The following AFDN variants were observed in gnomAD, a reference collection of about 807,000 sequenced individuals.
The protein encoded by AFDN is afadin, adherens junction formation factor.
In AFDN, 68 loss-of-function variants were observed where a neutral mutation model predicts 216.6. The observed-to-expected ratio is 0.31, with a 90% CI of 0.26 to 0.38. The LOEUF is 0.38. Among genes scored for constraint, AFDN ranks in the 10% least tolerant of loss-of-function variants. The pLI is 1.00. For synonymous variants in AFDN, 868 were observed against 853.7 expected (o/e 1.02, Z -0.29); for missense variants, 2,136 against 2,342.0 (o/e 0.91, Z 1.82).
In AFDN at chr6:167,893,912, G is replaced by A; in HGVS notation, c.1222+6G>A. 2 of 1,575,036 alleles carry A rather than the reference G, an allele frequency of 1.3e-6. No homozygotes were observed. Among genetic ancestry groups the A allele is most frequent in the Non-Finnish European group, 1.7e-6 (2 of 1,156,110 alleles). On this transcript the variant is annotated splice_donor_region_variant and intron_variant, in intron 9 of 33. Transcript: ENST00000683244. ...CAACTATCACACTTACGAAGGTAATGCTATGCTTACTACTACTTTTATAAC... is the reference window on the plus strand; with the variant it reads ...CAACTATCACACTTACGAAGGTAATACTATGCTTACTACTACTTTTATAAC...
intron 20 of AFDN, among the ~76,000 whole-genome samples, 167 bp from the exon 21 acceptor site, chr6:167,918,568 A>T (rs1791395280): frequency 6.6e-6 from 1 of 151,934 alleles, no homozygotes; most frequent in African/African-American, 2.4e-5. Flanking sequence ...TGATGGGGGT[A>T]CTCCTGGGAC....
chr6:167,911,002 T>A, intron 13 of AFDN, 99 bp from the exon 14 acceptor site: 1 of 943,966 alleles, frequency 1.1e-6, no homozygotes, highest in Non-Finnish European at 1.7e-6. Context: ...AAGATTAGTA[T>A]ATAGATTTAA....
At chr6:167,836,812 C>T (rs144103464) in intron 1 of AFDN, among the ~76,000 whole-genome samples, 82 of 152,158 alleles carry the variant, frequency 5.4e-4, no homozygotes, top group Non-Finnish European at 8.5e-4. Flanking sequence ...TTTATCAGAA[C>T]AATATAATAC....
At chr6:167,904,163 A>G (rs1228152811) in intron 12 of AFDN, among the ~76,000 whole-genome samples, 1 of 151,282 alleles carries the variant, frequency 6.6e-6, no homozygotes, top group African/African-American at 2.4e-5. Flanking sequence ...ATTATCCACT[A>G]ATGTGTACCT....
At chr6:167,852,473 A>T (rs1782430736) in intron 1 of AFDN, among the ~76,000 whole-genome samples, 1 of 152,204 alleles carries the variant, frequency 6.6e-6, no homozygotes, top group Non-Finnish European at 1.5e-5. Flanking sequence ...ACAAGGCTTT[A>T]TAAGCAGTGC....
upstream of AFDN, chr6:167,826,697 G>A (rs1441740602): frequency 4.6e-6 from 2 of 438,488 alleles, no homozygotes; most frequent in African/African-American, 2.0e-5. Context: ...CGCCGGTTGG[G>A]ACCCACCACC....
chr6:167,915,563 A>G lies in AFDN; in HGVS notation c.2565+130A>G, dbSNP rs1236998812. The G allele has an allele frequency of 4.7e-6, 5 of 1,057,142 alleles. No homozygotes were observed. In the Admixed American group the frequency reaches 1.2e-4, roughly 24 times the overall value. 65.5% of individuals were successfully genotyped at this position (1,057,142 alleles called of 1,614,324 possible). ...TTGGGGTTTTTCGTATGTACAAATA[A>G]TGAAGTAGTGCTATGTGAGTACTTG... On this transcript the variant is annotated intron_variant, in intron 19 of 33. Transcript: ENST00000683244.
rs116292726 is a variant in AFDN at position 167,905,779 on chromosome 6, G to A, written c.1651-1392G>A. On this transcript the variant is annotated intron_variant, in intron 12 of 33. Coordinates refer to ENST00000683244, the MANE Select transcript of AFDN (RefSeq NM_001386888.1). ...TTTTTAATAGTGTGTAAATAGTATT[G>A]CCATCCATTGACCAGCAATTGTGTT... Among the ~76,000 whole-genome samples the A allele has an allele frequency of 2.7e-3, 412 of 152,064 alleles. 4 individuals are homozygous for A. The highest frequency in any genetic ancestry group is 9.2e-3 in the African/African-American group (380 of 41,352).
intron 2 of AFDN, among the ~76,000 whole-genome samples, chr6:167,867,096 C>T (rs1244903532): frequency 6.6e-6 from 1 of 152,210 alleles, no homozygotes; most frequent in Non-Finnish European, 1.5e-5. Flanking sequence ...GACCCAGTTC[C>T]CTCTTTACCT....
At chr6:167,890,722 G>T in intron 7 of AFDN, 140 bp from the exon 8 acceptor site, 2 of 701,208 alleles carry the variant, frequency 2.9e-6, no homozygotes, top group East Asian at 2.7e-5. Context: ...AATTGGGTAA[G>T]CTGTACACAG....
intron 1 of AFDN, among the ~76,000 whole-genome samples, chr6:167,831,996 G>T (rs1274516963): frequency 6.6e-6 from 1 of 152,164 alleles, no homozygotes; most frequent in African/African-American, 2.4e-5. Context: ...GAACATATGA[G>T]ACTGAACTCA....
intron 1 of AFDN, among the ~76,000 whole-genome samples, chr6:167,861,298 C>G (rs1438736568): frequency 6.6e-6 from 1 of 152,162 alleles, no homozygotes; most frequent in African/African-American, 2.4e-5. Flanking sequence ...TGATGTCAAA[C>G]TAAATTAATA....
intron 28 of AFDN, 26 bp downstream of exon 28, chr6:167,947,970 C>T (rs1345205207): frequency 6.5e-7 from 1 of 1,528,990 alleles, no homozygotes. Context: ...AAGCAAAAGG[C>T]TTCTACTGCA....
chr6:167,856,155 C>T (rs1192792622), intron 1 of AFDN, among the ~76,000 whole-genome samples: 1 of 152,104 alleles, frequency 6.6e-6, no homozygotes, highest in Non-Finnish European at 1.5e-5. Context: ...TGCGCTGCCA[C>T]AGAACTTGTG....
intron 7 of AFDN, among the ~76,000 whole-genome samples, chr6:167,890,660 G>A (rs969113112): frequency 6.6e-6 from 1 of 151,550 alleles, no homozygotes; most frequent in African/African-American, 2.4e-5. Flanking sequence ...GCTTGCTAGA[G>A]CTTTTCAAAC....
rs1797897905 is a variant in AFDN, at chr6:167,969,806, T to C, written c.5367T>C (p.Ser1789=). The C allele has an allele frequency of 3.1e-6, 5 of 1,612,194 alleles. No individual in the cohort carries two copies. Among genetic ancestry groups the C allele is most frequent in the Non-Finnish European group, 4.2e-6 (5 of 1,179,548 alleles). ...SKSQDADSPG[S]SGAPENLTFK... ...GCCAAGATGCAGATTCACCTGGAAG[T>C]TCTGGGGCCCCTGAAAACTTGACAT... The change falls in exon 34 of 34, where the codon AGT becomes AGC. Residue 1789 remains serine, a synonymous_variant. Coordinates refer to ENST00000683244, the MANE Select transcript of AFDN (RefSeq NM_001386888.1).
chr6:167,921,506 G>T (rs1277458844), intron 21 of AFDN, among the ~76,000 whole-genome samples: 1 of 152,100 alleles, frequency 6.6e-6, no homozygotes, highest in East Asian at 1.9e-4. Context: ...ATTACTTTGT[G>T]CCGTCAATAT....
At chr6:167,968,243 G>GT (rs755662256) in intron 32 of AFDN, among the ~76,000 whole-genome samples, 9 of 152,102 alleles carry the variant, frequency 5.9e-5, no homozygotes, top group Non-Finnish European at 1.2e-4. Flanking sequence ...ATAAATTGTC[G>GT]TAAGGTGGAG....
chr6:167,891,272 C>G (rs907462505), intron 8 of AFDN, among the ~76,000 whole-genome samples: 1 of 152,074 alleles, frequency 6.6e-6, no homozygotes, highest in East Asian at 1.9e-4. Flanking sequence ...TATTCAGAAA[C>G]CAAATTTAGT....
Sources: gnomAD v4.1 joint callset for allele counts (sites outside exome capture counted in the v4.1 genomes callset) on GRCh38, gnomAD v4.1.1 for gene constraint, MANE v1.5 for transcripts, NCBI Gene and HGNC (gene_info 2026-07-23, HGNC 2026-07-21) for gene names.